DCLK2: variants seen among roughly 807,000 people sequenced by gnomAD.
The protein encoded by DCLK2 is serine/threonine-protein kinase DCLK2.
DCLK2 carries 31 observed loss-of-function variants against 78.4 expected under a neutral mutation model. That is an observed-to-expected ratio of 0.40 (90% CI 0.30 to 0.53). DCLK2 has a LOEUF of 0.53. Ranked by LOEUF, DCLK2 falls within the 20% of genes least tolerant of loss-of-function variation. DCLK2 has a pLI of 0.61. For missense variants in DCLK2, 872 were observed against 973.7 expected (o/e 0.90, Z 1.39); for synonymous variants, 407 against 374.9 (o/e 1.09, Z -0.99).
At chr4:150,152,402 C>T (rs949530854) in intron 2 of DCLK2, among the ~76,000 whole-genome samples, 1 of 152,220 alleles carries the variant, frequency 6.6e-6, no homozygotes, top group African/African-American at 2.4e-5. Context: ...CTGCCTCAGC[C>T]TCCTGAGTAG....
chr4:150,247,235 C>G (rs1219804544), intron 12 of DCLK2, among the ~76,000 whole-genome samples: 7 of 152,120 alleles, frequency 4.6e-5, no homozygotes, highest in Non-Finnish European at 7.4e-5. Context: ...GAAAATTGAT[C>G]ATTCTCACCA....
chr4:150,087,803 A>C (rs944118057), intron 1 of DCLK2, among the ~76,000 whole-genome samples: 4 of 152,226 alleles, frequency 2.6e-5, no homozygotes, highest in Non-Finnish European at 4.4e-5. Context: ...AGGTAGGTCA[A>C]ATCATTTCTT....
At chr4:150,112,401 T>C (rs1462564403) in intron 2 of DCLK2, among the ~76,000 whole-genome samples, 2 of 152,166 alleles carry the variant, frequency 1.3e-5, no homozygotes, top group Non-Finnish European at 2.9e-5. Context: ...CAAACTTAGA[T>C]AGTTTGACTT....
chr4:150,169,278 A>G (rs1306873842), intron 2 of DCLK2, among the ~76,000 whole-genome samples: 4 of 152,222 alleles, frequency 2.6e-5, no homozygotes, highest in Non-Finnish European at 5.9e-5. Flanking sequence ...TAGAAGGAAA[A>G]AAATGGACTG....
At chr4:150,185,452 T>TGGTGGCTC (rs1467627926) in intron 2 of DCLK2, among the ~76,000 whole-genome samples, 7 of 151,870 alleles carry the variant, frequency 4.6e-5, no homozygotes, top group African/African-American at 1.7e-4. Context: ...TCGCCTGGCA[T>TGGTGGCTC]GGTGGCTCAT....
chr4:150,098,523 T>A (rs1553953842), intron 1 of DCLK2, among the ~76,000 whole-genome samples: 1 of 152,180 alleles, frequency 6.6e-6, no homozygotes, highest in Non-Finnish European at 1.5e-5. Flanking sequence ...ATTTTGTTAA[T>A]TTTTTATTTC....
chr4:150,124,084 G>A (rs957906177), intron 2 of DCLK2, among the ~76,000 whole-genome samples: 1 of 151,982 alleles, frequency 6.6e-6, no homozygotes, highest in African/African-American at 2.4e-5. Flanking sequence ...ACTTGAAAGA[G>A]CAAGACAAAC....
chr4:150,091,662 A>T (rs1191915277), intron 1 of DCLK2, among the ~76,000 whole-genome samples: 1 of 152,170 alleles, frequency 6.6e-6, no homozygotes, highest in Non-Finnish European at 1.5e-5. Context: ...ACAGAGGTGT[A>T]TGAGAGACTT....
At chr4:150,086,632 G>A (rs991370182) in intron 1 of DCLK2, among the ~76,000 whole-genome samples, 2 of 151,630 alleles carry the variant, frequency 1.3e-5, no homozygotes, top group Admixed American at 6.6e-5. Flanking sequence ...TCAGCCTACC[G>A]AGTAGCTGGG....
At chr4:150,186,894 A>ATGTGTGTGTG (rs10683241) in intron 2 of DCLK2, among the ~76,000 whole-genome samples, 382 of 147,590 alleles carry the variant, frequency 2.6e-3, no homozygotes, top group Admixed American at 8.0e-3. Context: ...CTATCTCAAA[A>ATGTGTGTGTG]TGTGTGTGTG....
At chr4:150,142,196 A>G (rs1465654270) in intron 2 of DCLK2, among the ~76,000 whole-genome samples, 3 of 151,950 alleles carry the variant, frequency 2.0e-5, no homozygotes, top group Non-Finnish European at 4.4e-5. Context: ...CTCATTCATC[A>G]CTCCCTTCTC....
chr4:150,253,532 T>C (rs1449587446), intron 15 of DCLK2: 3 of 1,289,652 alleles, frequency 2.3e-6, no homozygotes, highest in Admixed American at 4.6e-5. Context: ...GCTGAGACAG[T>C]GGGAGAGCCT....
At chr4:150,249,530 G>A (rs752914941) in intron 14 of DCLK2, 38 bp from the exon 15 acceptor site, 4 of 1,578,430 alleles carry the variant, frequency 2.5e-6, no homozygotes, top group East Asian at 2.2e-5. Context: ...ACGGGAGGAT[G>A]GAAAAAGCAT....
At chr4:150,165,128 G>A (rs1283627978) in intron 2 of DCLK2, among the ~76,000 whole-genome samples, 1 of 152,170 alleles carries the variant, frequency 6.6e-6, no homozygotes, top group Non-Finnish European at 1.5e-5. Context: ...TGTAATGATG[G>A]AATATACCTT....
chr4:150,117,013 A>G (rs1732144889), intron 2 of DCLK2, among the ~76,000 whole-genome samples: 1 of 152,066 alleles, frequency 6.6e-6, no homozygotes, highest in African/African-American at 2.4e-5. Context: ...AAGGCTTCCA[A>G]AAGTTTCTGT....
intron 2 of DCLK2, among the ~76,000 whole-genome samples, chr4:150,166,355 G>T (rs566658611): frequency 6.8e-6 from 1 of 146,750 alleles, no homozygotes; most frequent in South Asian, 2.1e-4. Context: ...TTAGCCAGGT[G>T]TGGTGGCATG....
At chr4:150,246,700 G>A (rs1192113611) in intron 12 of DCLK2, among the ~76,000 whole-genome samples, 2 of 152,260 alleles carry the variant, frequency 1.3e-5, no homozygotes, top group East Asian at 3.9e-4. Flanking sequence ...TGGAGGTGAG[G>A]TTATATGGGA....
At position 150,239,886 on chromosome 4, in the gene DCLK2, T is replaced by C. The variant is rs200708094; in HGVS notation, c.1700+11T>C. 1 of 1,613,774 alleles carries C rather than the reference T, an allele frequency of 6.2e-7. No individual in the cohort carries two copies. The highest frequency in any genetic ancestry group is 1.1e-5 in the South Asian group (1 of 90,962). ...CATTGCTGAAACTGGGTAAGACTTC[T>C]GGTGGCCCTGGTTAGTACTTTAACT... On this transcript the variant is annotated intron_variant, in intron 11 of 15. Transcript: ENST00000296550.
intron 2 of DCLK2, among the ~76,000 whole-genome samples, chr4:150,103,934 G>A (rs184165411): frequency 5.2e-4 from 79 of 152,212 alleles, no homozygotes; most frequent in Non-Finnish European, 8.7e-4. Flanking sequence ...ATATAATTTA[G>A]TTAATAGCAC....
Sources: gnomAD v4.1 joint callset for allele counts (sites outside exome capture counted in the v4.1 genomes callset) on GRCh38, gnomAD v4.1.1 for gene constraint, MANE v1.5 for transcripts, NCBI Gene and HGNC (gene_info 2026-07-23, HGNC 2026-07-21) for gene names.